Variants in MEGF8 observed in about 807,000 individuals in gnomAD.
The protein encoded by MEGF8 is multiple EGF like domains 8, also known as multiple epidermal growth factor-like domains protein 8.
Under a neutral mutation model 302.9 loss-of-function variants are expected in MEGF8, and 156 were observed. That is an observed-to-expected ratio of 0.52 (90% CI 0.45 to 0.59). The LOEUF (loss-of-function observed/expected upper bound fraction) is 0.59, where lower values mean the gene tolerates loss of function less well. Ranked by LOEUF, MEGF8 falls within the 20% of genes least tolerant of loss-of-function variation. The pLI, the probability that MEGF8 is intolerant of heterozygous loss-of-function variation, is 0.00. For missense variants in MEGF8, 3,345 were observed against 3,964.5 expected (o/e 0.84, Z 4.20); for synonymous variants, 1,621 against 1,660.5 (o/e 0.98, Z 0.58).
At position 42,352,978 on chromosome 19, in the gene MEGF8, C is replaced by T; in HGVS notation, c.3401C>T (p.Thr1134Ile). 1.2e-6 allele frequency: 2 copies of T among 1,600,204 alleles called. No individual in the cohort carries two copies. Among genetic ancestry groups the T allele is most frequent in the Non-Finnish European group, 1.7e-6 (2 of 1,174,186 alleles). ...HGVCSGPPDF[T>I]CVCDLGWTSD... ...GTGTGCAGTGGCCCCCCGGACTTTACCTGCGTGTGTGACCTAGGCTGGACA... is the reference window on the plus strand; with the variant it reads ...GTGTGCAGTGGCCCCCCGGACTTTATCTGCGTGTGTGACCTAGGCTGGACA... Residue 1134 changes from threonine (T) to isoleucine (I), a missense_variant, in exon 20 of 42, where the codon ACC (threonine) becomes ATC (isoleucine). Transcript: ENST00000251268. The surrounding 1 kb of genome is among the most constrained non-coding windows in gnomAD (Gnocchi z 4.4).
In MEGF8 at chr19:42,357,942, G is replaced by T. The variant is rs193228211; in HGVS notation, c.5012-202G>T. Among the ~76,000 whole-genome samples the T allele has an allele frequency of 4.9e-4, 75 of 152,334 alleles. No individual in the cohort carries two copies. The highest frequency in any genetic ancestry group is 1.7e-3 in the Admixed American group (26 of 15,304). On this transcript the variant is annotated intron_variant, in intron 28 of 41. Coordinates refer to ENST00000251268, the MANE Select transcript of MEGF8 (RefSeq NM_001271938.2). This position sits in a 1 kb window ranked among gnomAD's most constrained non-coding sequence, Gnocchi z 5.2. ...GAGAGCCTGGCAGAACTTACTGCCA[G>T]TTGAGGACTCCCTTCTCTTTCCCAG...
chr19:42,350,339 C>T lies in MEGF8; in HGVS notation c.2691C>T (p.Leu897=). 6.2e-7 allele frequency: 1 copy of T among 1,603,252 alleles called. No individual in the cohort carries two copies. Among genetic ancestry groups the T allele is most frequent in the Non-Finnish European group, 8.5e-7 (1 of 1,177,232 alleles). Reference sequence around the variant, plus strand: ...CCCTGCTGGTGCTGGTGCCTACCCTCTGCCCACTCTGCGAGGAGCATCGGG... The same window carrying T: ...CCCTGCTGGTGCTGGTGCCTACCCTTTGCCCACTCTGCGAGGAGCATCGGG... The part of the protein sequence containing the change: ...GGSLLVLVPT[L]CPLCEEHRDC... The change falls in exon 15 of 42, where the codon CTC becomes CTT. Residue 897 remains leucine, a synonymous_variant. Coordinates refer to ENST00000251268, the MANE Select transcript of MEGF8 (RefSeq NM_001271938.2).
At position 42,362,419 on chromosome 19, in the gene MEGF8, C is replaced by T. The variant is rs761314605; in HGVS notation, c.5880C>T (p.Cys1960=). 1 of 1,613,982 alleles carries T rather than the reference C, an allele frequency of 6.2e-7. No individual in the cohort carries two copies. The highest frequency in any genetic ancestry group is 1.1e-5 in the South Asian group (1 of 91,084). Residue 1960 remains cysteine, a synonymous_variant, in exon 34 of 42, where the codon TGC becomes TGT. Coordinates refer to ENST00000251268, the MANE Select transcript of MEGF8 (RefSeq NM_001271938.2). ...STPRCKWCTN[C]PEGACIGRNG... is the part of the protein sequence containing the mutation. ...CCCGCTGTAAGTGGTGTACCAACTG[C>T]CCCGAAGGTGCTTGCATTGGACGCA...
intron 1 of MEGF8, among the ~76,000 whole-genome samples, chr19:42,331,159 C>T (rs2039049383): frequency 6.6e-6 from 1 of 152,174 alleles, no homozygotes; most frequent in African/African-American, 2.4e-5. Context: ...CTGGAGTCAT[C>T]ACCTCGTTGA....
chr19:42,343,051 C>A (rs372127483), intron 8 of MEGF8, among the ~76,000 whole-genome samples: 3 of 152,206 alleles, frequency 2.0e-5, no homozygotes, highest in African/African-American at 7.2e-5. Context: ...GCTAGACAGA[C>A]AAAAATGGGA....
intron 8 of MEGF8, among the ~76,000 whole-genome samples, chr19:42,338,871 G>T (rs2039172795): frequency 9.8e-6 from 1 of 102,212 alleles, no homozygotes; most frequent in African/African-American, 3.9e-5. Flanking sequence ...GTTTCGCTCT[G>T]TCGCCCAGGC....
chr19:42,330,360 TG>T (rs1187439089), intron 1 of MEGF8, among the ~76,000 whole-genome samples: 2 of 152,170 alleles, frequency 1.3e-5, no homozygotes, highest in Non-Finnish European at 2.9e-5. Flanking sequence ...GGGAAGAACT[TG>T]GGGAGGCAGA....
In MEGF8 at chr19:42,336,274, G is replaced by A; in HGVS notation, c.1172G>A (p.Gly391Asp). 6.2e-7 allele frequency: 1 copy of A among 1,608,062 alleles called. No individual in the cohort carries two copies. Residue 391 changes from glycine to aspartate, a missense_variant, in exon 6 of 42, where the codon GGC (glycine) becomes GAC (aspartate). Gly to Asp is a moderately conservative substitution (Grantham distance 94). Coordinates refer to ENST00000251268, the MANE Select transcript of MEGF8 (RefSeq NM_001271938.2). This position sits in a 1 kb window ranked among gnomAD's most constrained non-coding sequence, Gnocchi z 4.8. The part of the protein sequence containing the change: ...PAGGRPPAAT[G>D]HSMVFHAPSR... Reference sequence around the variant, plus strand: ...GGCGGACGGCCCCCTGCTGCCACTGGCCACTCCATGGTGTTCCATGCCCCC... The same window carrying A: ...GGCGGACGGCCCCCTGCTGCCACTGACCACTCCATGGTGTTCCATGCCCCC...
intron 35 of MEGF8, among the ~76,000 whole-genome samples, chr19:42,364,990 C>G (rs1416631213): frequency 2.0e-5 from 3 of 152,214 alleles, no homozygotes; most frequent in African/African-American, 7.2e-5. Flanking sequence ...AGTCCTGCCA[C>G]TGGGAGGATT....
At chr19:42,348,201 C>A in intron 12 of MEGF8, 71 bp from the exon 13 acceptor site, 1 of 1,392,760 alleles carries the variant, frequency 7.2e-7, no homozygotes, top group Non-Finnish European at 9.6e-7. Context: ...GTTGACCAGT[C>A]TTTTCTGGCT....
rs1410462535 is a variant in MEGF8, at chr19:42,351,385, TGTGCTGGCTGTGGA to T, written c.2856-40_2856-27del. The T allele has an allele frequency of 2.5e-6, 4 of 1,573,940 alleles. No individual in the cohort carries two copies. The African/African-American group carries it at 4.1e-5, about 16-fold the overall frequency. ...GGGTGGGTGGATGTGCCTGGGGATG[TGTGCTGGCTGTGGA>T]GTGACCTGGCCCCCTGCTCCCCACC... On this transcript the variant is annotated intron_variant, in intron 16 of 41. Transcript: ENST00000251268. This position sits in a 1 kb window ranked among gnomAD's most constrained non-coding sequence, Gnocchi z 5.6.
rs139601509 is a variant in MEGF8 at position 42,368,516 on chromosome 19, G to A, written c.6335G>A (p.Arg2112Gln). 2.4e-5 allele frequency: 39 copies of A among 1,608,110 alleles called. No individual in the cohort carries two copies. The African/African-American group carries it at 3.5e-4, about 14-fold the overall frequency. ...CMAGGCGRLLRGPESCSLGCA... is the reference protein window; with the variant it reads ...CMAGGCGRLLQGPESCSLGCA... ...GCCGGAGGCTGTGGGCGGCTGCTCC[G>A]GGGACCTGAGAGCTGCTCCCTGGGC... Residue 2112 changes from arginine (R) to glutamine (Q), a missense_variant, in exon 36 of 42, where the codon CGG becomes CAG. Arg to Gln is a conservative substitution (Grantham distance 43). Coordinates refer to ENST00000251268, the MANE Select transcript of MEGF8 (RefSeq NM_001271938.2). The surrounding 1 kb of genome is among the most constrained non-coding windows in gnomAD (Gnocchi z 4.9).
rs919473555 is a variant in MEGF8, at chr19:42,358,764, C to T, written c.5176-23C>T. ...CAAGAGACTCGAGGAGCCTCAACCCCAGGACGCCCCCACTGTCACTAGCGA... is the reference window on the plus strand; with the variant it reads ...CAAGAGACTCGAGGAGCCTCAACCCTAGGACGCCCCCACTGTCACTAGCGA... On this transcript the variant is annotated intron_variant, in intron 29 of 41. Coordinates refer to ENST00000251268, the MANE Select transcript of MEGF8 (RefSeq NM_001271938.2). This position sits in a 1 kb window ranked among gnomAD's most constrained non-coding sequence, Gnocchi z 4.4. 2 of 1,501,080 alleles carry T rather than the reference C, an allele frequency of 1.3e-6. No individual in the cohort carries two copies. The highest frequency in any genetic ancestry group is 2.8e-5 in the African/African-American group (2 of 71,416). The allele number at this position is 1,501,080 out of a possible 1,614,324, so 93.0% of individuals were successfully genotyped here.
chr19:42,364,170 C>T (rs541348585), intron 35 of MEGF8, among the ~76,000 whole-genome samples: 3 of 152,090 alleles, frequency 2.0e-5, no homozygotes, highest in African/African-American at 7.2e-5. Context: ...TGTGTGTACC[C>T]GTGACAGTCC....
chr19:42,334,900 T>C, intron 3 of MEGF8, 135 bp from the exon 4 acceptor site: 1 of 849,736 alleles, frequency 1.2e-6, no homozygotes, highest in Middle Eastern at 2.3e-4. Flanking sequence ...TCCTCTCCCT[T>C]CCTGTCTGTC....
chr19:42,334,390 C>T (rs1315882936), intron 3 of MEGF8, among the ~76,000 whole-genome samples, 177 bp downstream of exon 3: 2 of 151,682 alleles, frequency 1.3e-5, no homozygotes, highest in Admixed American at 1.3e-4. Context: ...TTACTCCAAC[C>T]CCACCCCACC....
In MEGF8 at chr19:42,376,195, C is replaced by A; in HGVS notation, c.7958C>A (p.Ser2653Tyr). 6.2e-7 allele frequency: 1 copy of A among 1,606,748 alleles called. No individual in the cohort carries two copies. The highest frequency in any genetic ancestry group is 8.5e-7 in the Non-Finnish European group (1 of 1,176,834). ...CACATTGACCTGTTTGTCTTCTTCT[C>A]CGTCTTCTTCTCCTGCTTCTTCCTC... ...QAHIDLFVFFSVFFSCFFLFL... is the reference protein window; with the variant it reads ...QAHIDLFVFFYVFFSCFFLFL... Residue 2653 changes from serine to tyrosine, a missense_variant, in exon 42 of 42, where the codon TCC becomes TAC. Ser to Tyr is a moderately radical substitution (Grantham distance 144). Coordinates refer to ENST00000251268, the MANE Select transcript of MEGF8 (RefSeq NM_001271938.2). The surrounding 1 kb of genome is among the most constrained non-coding windows in gnomAD (Gnocchi z 8.2).
At position 42,355,744 on chromosome 19, in the gene MEGF8, C is replaced by G; in HGVS notation, c.4145-14C>G. 2 of 1,557,820 alleles carry G rather than the reference C, an allele frequency of 1.3e-6. No homozygotes were observed. Among genetic ancestry groups the G allele is most frequent in the Non-Finnish European group, 1.7e-6 (2 of 1,146,284 alleles). On this transcript the variant is annotated splice_polypyrimidine_tract_variant and intron_variant, in intron 23 of 41. Coordinates refer to ENST00000251268, the MANE Select transcript of MEGF8 (RefSeq NM_001271938.2). ...CGTGACTTTGCTACCAGCCTCTGGC[C>G]TCTCTCTTCACAGGGCTGCTCGTGC...
chr19:42,336,265 C>T lies in MEGF8; in HGVS notation c.1163C>T (p.Ala388Val). 6.2e-7 allele frequency: 1 copy of T among 1,607,502 alleles called. No homozygotes were observed. Among genetic ancestry groups the T allele is most frequent in the Middle Eastern group, 1.7e-4 (1 of 6,058 alleles). ...QVIPAGGRPPAATGHSMVFHA... is the reference protein window; with the variant it reads ...QVIPAGGRPPVATGHSMVFHA... ...ATTCCGGCAGGCGGACGGCCCCCTG[C>T]TGCCACTGGCCACTCCATGGTGTTC... The change falls in exon 6 of 42, where the codon GCT becomes GTT. Residue 388 changes from alanine to valine, a missense_variant. Ala to Val is a moderately conservative substitution (Grantham distance 64). Transcript: ENST00000251268. This position sits in a 1 kb window ranked among gnomAD's most constrained non-coding sequence, Gnocchi z 4.8.
Sources: allele counts gnomAD v4.1 joint callset (sites outside exome capture counted in the v4.1 genomes callset), GRCh38; gene constraint gnomAD v4.1.1; non-coding constraint Gnocchi (gnomAD v3.1); transcripts MANE v1.5; gene names NCBI Gene and HGNC (gene_info 2026-07-23, HGNC 2026-07-21).